Variants in ARHGAP28 observed in about 807,000 individuals in gnomAD.
ARHGAP28 encodes the protein Rho GTPase activating protein 28.
In ARHGAP28, 56 loss-of-function variants were observed where a neutral mutation model predicts 90.7. The ratio of observed to expected loss-of-function variants is 0.62; its 90% confidence interval spans 0.50 to 0.77. ARHGAP28 has a LOEUF of 0.77. Among genes scored for constraint, ARHGAP28 ranks in the 30% least tolerant of loss-of-function variants. The probability of loss-of-function intolerance (pLI) is 0.00; values close to 1 mark genes in which losing one functional copy is unlikely to be tolerated. For missense variants in ARHGAP28, 869 were observed against 900.9 expected, an observed-to-expected ratio of 0.96 and a Z score of 0.45; for synonymous variants, 308 against 323.3, an observed-to-expected ratio of 0.95 and a Z score of 0.51.
rs113683545 is a variant in ARHGAP28, at chr18:6,784,343, A to G, written c.123-40419A>G. Among the ~76,000 whole-genome samples the G allele has an allele frequency of 1.7e-3, 261 of 152,224 alleles. 3 individuals are homozygous for G. Among genetic ancestry groups the G allele is most frequent in the African/African-American group, 6.1e-3 (253 of 41,532 alleles). On this transcript the variant is annotated intron_variant, in intron 1 of 17. Transcript: ENST00000383472. Reference sequence around the variant, plus strand: ...TCCCAAGTGATTTATATCCACCTAGAGATTAAGAAGCACTGCTTTAGGGAG... The same window carrying G: ...TCCCAAGTGATTTATATCCACCTAGGGATTAAGAAGCACTGCTTTAGGGAG...
chr18:6,867,921 C>T (rs2057050369), intron 5 of ARHGAP28, among the ~76,000 whole-genome samples: 1 of 152,172 alleles, frequency 6.6e-6, no homozygotes, highest in South Asian at 2.1e-4. Flanking sequence ...TAGGAAAGCA[C>T]AGTTATATGG....
chr18:6,805,531 G>C (rs574022840), intron 1 of ARHGAP28, among the ~76,000 whole-genome samples: 6 of 139,290 alleles, frequency 4.3e-5, no homozygotes, highest in African/African-American at 1.6e-4. Flanking sequence ...TGTTGCCCAG[G>C]CTGGAGTGCA....
chr18:6,775,524 TG>T (rs1036825332), intron 1 of ARHGAP28, among the ~76,000 whole-genome samples: 1 of 152,150 alleles, frequency 6.6e-6, no homozygotes, highest in African/African-American at 2.4e-5. Flanking sequence ...TTTGTTTGTT[TG>T]TTTTTAGTTT....
chr18:6,827,831 G>A (rs1353620840), intron 2 of ARHGAP28, among the ~76,000 whole-genome samples: 3 of 151,886 alleles, frequency 2.0e-5, no homozygotes, highest in African/African-American at 7.3e-5. Context: ...AGATGGGGTC[G>A]CGGCCGGACA....
intron 1 of ARHGAP28, among the ~76,000 whole-genome samples, chr18:6,821,920 A>T (rs548259142): frequency 1.3e-5 from 2 of 152,146 alleles, no homozygotes; most frequent in African/African-American, 2.4e-5. Flanking sequence ...TGATTTACCT[A>T]TTATTTCACA....
chr18:6,805,734 C>T (rs2056514196), intron 1 of ARHGAP28, among the ~76,000 whole-genome samples: 1 of 151,898 alleles, frequency 6.6e-6, no homozygotes, highest in Non-Finnish European at 1.5e-5. Flanking sequence ...GATCCACCCA[C>T]CTCAGCCTCC....
rs2057257348 is a variant in ARHGAP28, at chr18:6,890,533, T to A, written c.1838T>A (p.Leu613His). ...AGGAAGCTGCTCAGGAGGAAGACCC[T>A]CGAGCGGGAGGTAAGACAGCAAATG... The part of the protein sequence containing the change: ...SVRKLLRRKT[L>H]ERETASPKTS... Residue 613 changes from leucine (L) to histidine (H), a missense_variant, in exon 14 of 18, where the codon CTC becomes CAC. By Grantham distance (99) the Leu-to-His change is moderately conservative. Transcript: ENST00000383472. 1.9e-6 allele frequency: 3 copies of A among 1,608,204 alleles called. No individual in the cohort carries two copies. The highest frequency in any genetic ancestry group is 2.5e-6 in the Non-Finnish European group (3 of 1,177,360).
At chr18:6,828,337 C>G (rs556020382) in intron 2 of ARHGAP28, among the ~76,000 whole-genome samples, 1 of 151,668 alleles carries the variant, frequency 6.6e-6, no homozygotes, top group African/African-American at 2.4e-5. Context: ...AGAGGGAGAC[C>G]GTGGAAAGAG....
At chr18:6,781,148 T>C (rs547232934) in intron 1 of ARHGAP28, among the ~76,000 whole-genome samples, 4 of 152,142 alleles carry the variant, frequency 2.6e-5, no homozygotes, top group Admixed American at 6.5e-5. Context: ...CTCCTTTCCT[T>C]CTATTGCTGC....
chr18:6,869,278 G>A (rs75371441), intron 6 of ARHGAP28, among the ~76,000 whole-genome samples: 8 of 54,158 alleles, frequency 1.5e-4, no homozygotes, highest in Non-Finnish European at 2.8e-4. Context: ...TTTTTTTTTT[G>A]AGATGGAGTT....
In ARHGAP28 at chr18:6,839,589, G is replaced by A. The variant is rs139634258; in HGVS notation, c.543+2175G>A. Among the ~76,000 whole-genome samples the A allele has an allele frequency of 5.1e-3, 774 of 152,246 alleles. 3 individuals are homozygous for A. The highest frequency in any genetic ancestry group is 6.3e-3 in the Non-Finnish European group (427 of 68,018). ...TGGGATTACAGGCGTGAGCCACTGCGCCCGGCCATAATTTTTTTAGATTAA... is the reference window on the plus strand; with the variant it reads ...TGGGATTACAGGCGTGAGCCACTGCACCCGGCCATAATTTTTTTAGATTAA... On this transcript the variant is annotated intron_variant, in intron 3 of 17. Transcript: ENST00000383472.
intron 1 of ARHGAP28, among the ~76,000 whole-genome samples, chr18:6,741,633 G>A (rs1429533095): frequency 6.6e-6 from 1 of 151,220 alleles, no homozygotes; most frequent in Non-Finnish European, 1.5e-5. Context: ...TGGGAGTTAA[G>A]AAAAAAAATA....
At chr18:6,877,620 C>T (rs1341751199) in intron 10 of ARHGAP28, among the ~76,000 whole-genome samples, 1 of 152,158 alleles carries the variant, frequency 6.6e-6, no homozygotes, top group Non-Finnish European at 1.5e-5. Context: ...GTTACGGCTT[C>T]CCTGAGAGTG....
chr18:6,849,645 A>G (rs898290165), intron 3 of ARHGAP28, among the ~76,000 whole-genome samples: 1 of 152,204 alleles, frequency 6.6e-6, no homozygotes, highest in Non-Finnish European at 1.5e-5. Context: ...TCGGTTTCCT[A>G]CAGTAATGTA....
rs2056049760 is a variant in ARHGAP28 at position 6,912,266 on chromosome 18, A to G, written c.*112A>G. The G allele has an allele frequency of 1.8e-6, 1 of 567,142 alleles. No individual in the cohort carries two copies. The highest frequency in any genetic ancestry group is 1.9e-5 in the African/African-American group (1 of 52,470). 35.1% of individuals were successfully genotyped at this position (567,142 alleles called of 1,614,324 possible). The stretch of plus-strand genomic sequence containing the variant: ...TATTTGTTCCTACAGCATTCTCAGT[A>G]TTTCTGGCCCTCAGCAGTGGGCATT... On this transcript the variant is annotated 3_prime_UTR_variant, in exon 18 of 18. Coordinates refer to ENST00000383472, the MANE Select transcript of ARHGAP28 (RefSeq NM_001366230.1).
chr18:6,885,834 TAG>T (rs2057216754), intron 11 of ARHGAP28, among the ~76,000 whole-genome samples: 4 of 149,834 alleles, frequency 2.7e-5, no homozygotes, highest in Admixed American at 2.0e-4. Flanking sequence ...GTTGGAAGAT[TAG>T]AGACAGTCCT....
chr18:6,757,701 T>C (rs2056123158), intron 1 of ARHGAP28, among the ~76,000 whole-genome samples: 1 of 152,168 alleles, frequency 6.6e-6, no homozygotes, highest in Admixed American at 6.5e-5. Flanking sequence ...CATTGCAAAG[T>C]TAATGGGACG....
intron 1 of ARHGAP28, among the ~76,000 whole-genome samples, chr18:6,755,122 G>A (rs1442977682): frequency 6.6e-6 from 1 of 152,068 alleles, no homozygotes; most frequent in Non-Finnish European, 1.5e-5. Flanking sequence ...GCAGTGAGCC[G>A]AGATCGCGCC....
intron 16 of ARHGAP28, among the ~76,000 whole-genome samples, chr18:6,903,587 C>G (rs9964298): frequency 0.021 from 3,218 of 152,134 alleles, 93 homozygotes; most frequent in African/African-American, 0.074. Context: ...AATTCCAGCA[C>G]TTTGGGAGGC....
Sources: gnomAD v4.1 joint callset for allele counts (sites outside exome capture counted in the v4.1 genomes callset) on GRCh38, gnomAD v4.1.1 for gene constraint, MANE v1.5 for transcripts, NCBI Gene and HGNC (gene_info 2026-07-23, HGNC 2026-07-21) for gene names.